CALN1: variants seen among roughly 807,000 people sequenced by gnomAD.
CALN1 encodes calcium-binding protein 8.
CALN1 carries 17 observed loss-of-function variants against 30.6 expected under a neutral mutation model. The observed-to-expected ratio is 0.56, with a 90% CI of 0.38 to 0.83. The LOEUF (loss-of-function observed/expected upper bound fraction) is 0.83. Ranked by LOEUF, CALN1 falls within the 40% of genes least tolerant of loss-of-function variation. The probability of loss-of-function intolerance (pLI) is 0.00; values close to 1 mark genes in which losing one functional copy is unlikely to be tolerated. For synonymous variants in CALN1, 156 were observed against 131.4 expected (o/e 1.19, Z -1.28); for missense variants, 291 against 354.9 (o/e 0.82, Z 1.45).
chr7:72,348,057 G>A (rs1802736952), intron 2 of CALN1, among the ~76,000 whole-genome samples: 1 of 152,116 alleles, frequency 6.6e-6, no homozygotes, highest in Non-Finnish European at 1.5e-5. Flanking sequence ...CTTGAACCTA[G>A]GAAGCGAAGG....
At chr7:71,899,764 C>T (rs968624202) in intron 5 of CALN1, among the ~76,000 whole-genome samples, 6 of 152,052 alleles carry the variant, frequency 3.9e-5, no homozygotes, top group Admixed American at 3.9e-4. Flanking sequence ...GATACCATGT[C>T]GTAACAACAA....
intron 4 of CALN1, among the ~76,000 whole-genome samples, chr7:72,079,139 A>T (rs776082116): frequency 1.3e-5 from 2 of 152,194 alleles, no homozygotes. Flanking sequence ...AAGGATGCAA[A>T]GCTCACAATG....
chr7:71,835,579 T>C (rs1006340474), intron 5 of CALN1, among the ~76,000 whole-genome samples: 4 of 152,222 alleles, frequency 2.6e-5, no homozygotes, highest in Non-Finnish European at 5.9e-5. Context: ...CCTGGCCTCA[T>C]CTTTTTAAAT....
chr7:71,801,710 C>T (rs1384129982), intron 6 of CALN1, among the ~76,000 whole-genome samples: 1 of 152,090 alleles, frequency 6.6e-6, no homozygotes, highest in Non-Finnish European at 1.5e-5. Flanking sequence ...GGCACAGTGG[C>T]TCATGCCTGT....
intron 5 of CALN1, among the ~76,000 whole-genome samples, chr7:71,910,129 T>C (rs1043813740): frequency 3.9e-5 from 6 of 152,154 alleles, no homozygotes; most frequent in African/African-American, 1.4e-4. Context: ...CCTTGACACA[T>C]GGGAATTACT....
intron 2 of CALN1, among the ~76,000 whole-genome samples, chr7:72,286,552 C>T (rs765306418): frequency 1.3e-5 from 2 of 152,328 alleles, no homozygotes; most frequent in Non-Finnish European, 2.9e-5. Flanking sequence ...CTCTGTTCAA[C>T]AGCTACATGG....
At position 71,966,652 on chromosome 7, in the gene CALN1, G is replaced by A. The variant is rs371104201; in HGVS notation, c.501+57005C>T. ...AGCAGATTCCAGCATCATGCTTCCC[G>A]TACAGCCTGCAGAATCAAGAGCCAA... On this transcript the variant is annotated intron_variant, in intron 5 of 6. Coordinates refer to ENST00000395275, the MANE Select transcript of CALN1 (RefSeq NM_031468.4). 3.2e-4 allele frequency among the ~76,000 whole-genome samples: 49 copies of A among 152,152 alleles called. No homozygotes were observed. The South Asian group carries it at 3.9e-3, about 12-fold the overall frequency.
At chr7:72,417,778 G>A (rs747549604) in intron 1 of CALN1, among the ~76,000 whole-genome samples, 10 of 152,062 alleles carry the variant, frequency 6.6e-5, no homozygotes, top group Non-Finnish European at 1.3e-4. Flanking sequence ...CCTCATCAGT[G>A]GGTTTGAGGT....
chr7:72,192,435 A>T (rs1249613585), intron 3 of CALN1, among the ~76,000 whole-genome samples: 2 of 152,152 alleles, frequency 1.3e-5, no homozygotes, highest in Admixed American at 1.3e-4. Context: ...TTGTTCTGTC[A>T]ATCTGCCTAG....
chr7:72,357,318 T>C (rs780706421), intron 2 of CALN1, among the ~76,000 whole-genome samples: 25 of 151,936 alleles, frequency 1.6e-4, no homozygotes, highest in Admixed American at 7.9e-4. Context: ...GGACTCGGAA[T>C]GAGAAAGGTT....
intron 5 of CALN1, among the ~76,000 whole-genome samples, chr7:71,869,463 C>T (rs1024044472): frequency 1.4e-4 from 21 of 152,260 alleles, no homozygotes; most frequent in Non-Finnish European, 2.8e-4. Flanking sequence ...CTGCCTGCCT[C>T]GGCCTCCCAA....
At chr7:72,008,682 G>A (rs551428296) in intron 5 of CALN1, among the ~76,000 whole-genome samples, 95 of 141,662 alleles carry the variant, frequency 6.7e-4, no homozygotes, top group African/African-American at 2.5e-3. Flanking sequence ...TTTTGAGACA[G>A]TTTCACGCTT....
intron 2 of CALN1, among the ~76,000 whole-genome samples, chr7:72,372,474 G>A (rs1221835379): frequency 1.3e-5 from 2 of 152,122 alleles, no homozygotes; most frequent in African/African-American, 4.8e-5. Flanking sequence ...GGAAAGTACT[G>A]ATAAGATCAT....
chr7:72,448,397 T>G (rs369827275), upstream of CALN1, among the ~76,000 whole-genome samples: 11 of 152,272 alleles, frequency 7.2e-5, no homozygotes, highest in African/African-American at 2.4e-4. Context: ...ACAGTTCCTG[T>G]GTCAGGGATA....
chr7:72,174,381 G>A (rs1289465616), intron 3 of CALN1, among the ~76,000 whole-genome samples: 5 of 152,054 alleles, frequency 3.3e-5, no homozygotes, highest in Non-Finnish European at 7.4e-5. Flanking sequence ...TCCACTCTTA[G>A]CTATTTACCC....
intron 2 of CALN1, among the ~76,000 whole-genome samples, chr7:72,320,834 CAAAAAAAAAAAAA>C (rs56192893): frequency 3.0e-5 from 2 of 67,154 alleles, no homozygotes; most frequent in Non-Finnish European, 5.6e-5. Flanking sequence ...GACTCCATCT[CAAAAAAAAAAAAA>C]AAAAAAAAAA....
At chr7:72,383,863 TCTTA>T (rs1298490071) in intron 2 of CALN1, among the ~76,000 whole-genome samples, 8 of 152,216 alleles carry the variant, frequency 5.3e-5, no homozygotes, top group Non-Finnish European at 1.5e-5. Context: ...CTTTTTAAAA[TCTTA>T]CTTTAAGTTC....
intron 6 of CALN1, among the ~76,000 whole-genome samples, chr7:71,800,342 G>T (rs1054562807): frequency 1.3e-5 from 2 of 152,150 alleles, no homozygotes; most frequent in Admixed American, 6.6e-5. Context: ...TCCCCAGGGG[G>T]CTTCCTGGGG....
At chr7:71,802,951 G>A (rs1787392243) in intron 6 of CALN1, among the ~76,000 whole-genome samples, 1 of 152,132 alleles carries the variant, frequency 6.6e-6, no homozygotes, top group South Asian at 2.1e-4. Context: ...TTGAACCAAG[G>A]AGGTGGAGGT....
Sources: gnomAD v4.1 joint callset for allele counts (sites outside exome capture counted in the v4.1 genomes callset) on GRCh38, gnomAD v4.1.1 for gene constraint, MANE v1.5 for transcripts, NCBI Gene and HGNC (gene_info 2026-07-23, HGNC 2026-07-21) for gene names.